The following FBLIM1 variants were observed in gnomAD, a reference collection of about 807,000 sequenced individuals.
FBLIM1 encodes the protein filamin-binding LIM protein 1.
In FBLIM1, 29 loss-of-function variants were observed where a neutral mutation model predicts 37.4. The observed-to-expected ratio is 0.77, with a 90% confidence interval of 0.58 to 1.06. FBLIM1 has a LOEUF of 1.06. FBLIM1 is among the 50% of genes least tolerant of loss of function. FBLIM1 has a pLI of 0.00. For missense variants in FBLIM1, 449 were observed against 505.6 expected (o/e 0.89, Z 1.07); for synonymous variants, 193 against 199.0 (o/e 0.97, Z 0.25).
At chr1:15,767,272 G>A (rs923578440) in intron 3 of FBLIM1, 104 bp from the exon 4 acceptor site, 38 of 1,065,162 alleles carry the variant, frequency 3.6e-5, no homozygotes, top group South Asian at 2.3e-4. Context: ...GGGTGATCCC[G>A]ACCGGGGCCC....
rs578024181 is a variant in FBLIM1, at chr1:15,765,047, C to T, written c.64C>T (p.Arg22Cys). 39 of 1,614,110 alleles carry T rather than the reference C, an allele frequency of 2.4e-5. No homozygotes were observed. In the East Asian group the frequency reaches 3.8e-4, roughly 16 times the overall value. The change falls in exon 3 of 9, where the codon CGC (arginine) becomes TGC (cysteine). Residue 22 changes from arginine to cysteine, a missense_variant. Coordinates refer to ENST00000375766, the MANE Select transcript of FBLIM1 (RefSeq NM_017556.4). This position sits in a 1 kb window ranked among gnomAD's most constrained non-coding sequence, Gnocchi z 5.9. ...SVFITLAPPR[R>C]DVAVAEEVRQ... ...CTTTATCACCCTGGCACCCCCGCGC[C>T]GCGATGTGGCCGTGGCGGAGGAAGT...
chr1:15,766,313 T>C (rs1221437908), intron 3 of FBLIM1, among the ~76,000 whole-genome samples: 1 of 152,000 alleles, frequency 6.6e-6, no homozygotes, highest in Non-Finnish European at 1.5e-5. Context: ...TGTGTATATT[T>C]TGAGACGAAG....
intron 8 of FBLIM1, among the ~76,000 whole-genome samples, chr1:15,782,407 TA>T (rs766909189): frequency 0.019 from 2,407 of 125,978 alleles, 33 homozygotes; most frequent in African/African-American, 0.048. Context: ...GACTCTATCT[TA>T]AAAAAAAAAA....
intron 1 of FBLIM1, among the ~76,000 whole-genome samples, chr1:15,762,313 G>A (rs2068711642): frequency 1.3e-5 from 2 of 149,800 alleles, no homozygotes. Flanking sequence ...GCCCAGGCTG[G>A]AGTGTGGTGG....
chr1:15,767,298 A>C, intron 3 of FBLIM1, 78 bp from the exon 4 acceptor site: 256 of 1,230,178 alleles, frequency 2.1e-4, no homozygotes, highest in Non-Finnish European at 2.6e-4. Flanking sequence ...TTCCCTCTGT[A>C]TGGCCATGTA....
rs1455681040 is a variant in FBLIM1 at position 15,785,292 on chromosome 1, T to G, written c.*631T>G. On this transcript the variant is annotated 3_prime_UTR_variant, in exon 9 of 9. Coordinates refer to ENST00000375766, the MANE Select transcript of FBLIM1 (RefSeq NM_017556.4). ...AGAGGTTGCAGTGAGATTGCACCAT[T>G]GCATTCCAGCCTGGGCAACAAGAGG... The G allele has an allele frequency of 6.7e-6, 1 of 150,280 alleles. No individual in the cohort carries two copies. Among genetic ancestry groups the G allele is most frequent in the Admixed American group, 6.7e-5 (1 of 14,966 alleles). 9.3% of individuals were successfully genotyped at this position (150,280 alleles called of 1,614,324 possible).
intron 5 of FBLIM1, 54 bp from the exon 6 acceptor site, chr1:15,770,354 TG>T: frequency 6.3e-7 from 1 of 1,576,374 alleles, no homozygotes. Context: ...GGGTGGTGCC[TG>T]GGTACAGTCC....
At chr1:15,762,260 G>GTTTTTTTT (rs57122494) in intron 1 of FBLIM1, among the ~76,000 whole-genome samples, 1 of 108,670 alleles carries the variant, frequency 9.2e-6, no homozygotes, top group Non-Finnish European at 1.9e-5. Context: ...TGGCTAATTT[G>GTTTTTTTT]TTTTTTTTTT....
chr1:15,760,561 C>CTTAGAGGTG (rs1209956545), intron 1 of FBLIM1, among the ~76,000 whole-genome samples: 3 of 144,280 alleles, frequency 2.1e-5, no homozygotes, highest in African/African-American at 7.6e-5. Context: ...AAGAACAGAG[C>CTTAGAGGTG]TTAGAGGTGG....
chr1:15,762,409 T>A (rs2068717010), intron 1 of FBLIM1, among the ~76,000 whole-genome samples: 1 of 151,996 alleles, frequency 6.6e-6, no homozygotes, highest in African/African-American at 2.4e-5. Flanking sequence ...ATAACAGGCG[T>A]CTGCCACCAT....
intron 1 of FBLIM1, among the ~76,000 whole-genome samples, chr1:15,760,777 C>T (rs987238407): frequency 2.6e-5 from 4 of 152,114 alleles, no homozygotes; most frequent in Admixed American, 6.6e-5. Flanking sequence ...CTTTTCTCCA[C>T]TTATCTAACT....
At chr1:15,762,469 G>A (rs1476655606) in intron 1 of FBLIM1, among the ~76,000 whole-genome samples, 1 of 151,850 alleles carries the variant, frequency 6.6e-6, no homozygotes, top group Non-Finnish European at 1.5e-5. Flanking sequence ...CACCATCTTG[G>A]CCAGGCTGGT....
chr1:15,758,199 C>T (rs2068492137), upstream of FBLIM1: 1 of 152,290 alleles, frequency 6.6e-6, no homozygotes, highest in Admixed American at 6.5e-5. The surrounding 1 kb of genome is among the most constrained non-coding windows in gnomAD (Gnocchi z 6.2). Context: ...TAGGCAGTGG[C>T]TACCTCCACT....
chr1:15,777,572 A>ATTT (rs35178526), intron 8 of FBLIM1, among the ~76,000 whole-genome samples: 7 of 121,588 alleles, frequency 5.8e-5, no homozygotes, highest in Non-Finnish European at 8.6e-5. Flanking sequence ...GACTCTCTCC[A>ATTT]TTTTTTTTTT....
In FBLIM1 at chr1:15,765,058, C is replaced by T. The variant is rs199638424; in HGVS notation, c.75C>T (p.Ala25=). 22 of 1,614,076 alleles carry T rather than the reference C, an allele frequency of 1.4e-5. No individual in the cohort carries two copies. The highest frequency in any genetic ancestry group is 1.3e-4 in the African/African-American group (10 of 75,038). Residue 25 remains alanine (A), a synonymous_variant, in exon 3 of 9, where the codon GCC becomes GCT. Transcript: ENST00000375766. The surrounding 1 kb of genome is among the most constrained non-coding windows in gnomAD (Gnocchi z 5.9). ...ITLAPPRRDV[A]VAEEVRQAVC... is the part of the protein sequence containing the mutation. Reference sequence around the variant, plus strand: ...TGGCACCCCCGCGCCGCGATGTGGCCGTGGCGGAGGAAGTGAGGCAGGCAG... The same window carrying T: ...TGGCACCCCCGCGCCGCGATGTGGCTGTGGCGGAGGAAGTGAGGCAGGCAG...
At chr1:15,759,332 C>T (rs1370785704) in intron 1 of FBLIM1, among the ~76,000 whole-genome samples, 3 of 152,168 alleles carry the variant, frequency 2.0e-5, no homozygotes, top group South Asian at 2.1e-4. Flanking sequence ...GGACGGGTCC[C>T]GGGGCTGCTC....
intron 1 of FBLIM1, among the ~76,000 whole-genome samples, chr1:15,760,079 C>G (rs1275722002): frequency 6.6e-6 from 1 of 151,246 alleles, no homozygotes; most frequent in Non-Finnish European, 1.5e-5. Context: ...CAAAAATTAG[C>G]CGGGTGTGGT....
intron 5 of FBLIM1, among the ~76,000 whole-genome samples, chr1:15,769,753 C>T (rs2069109541): frequency 6.6e-6 from 1 of 151,954 alleles, no homozygotes; most frequent in South Asian, 2.1e-4. Flanking sequence ...TCTCCTGCCT[C>T]AGTCTCCTGA....
intron 4 of FBLIM1, 41 bp from the exon 5 acceptor site, chr1:15,768,487 A>G: frequency 7.3e-7 from 1 of 1,375,386 alleles, no homozygotes; most frequent in Non-Finnish European, 9.8e-7. Flanking sequence ...GGAGGGCTGC[A>G]TGGGGTCCCA....
Sources: allele counts gnomAD v4.1 joint callset (sites outside exome capture counted in the v4.1 genomes callset), GRCh38; gene constraint gnomAD v4.1.1; non-coding constraint Gnocchi (gnomAD v3.1); transcripts MANE v1.5; gene names NCBI Gene and HGNC (gene_info 2026-07-23, HGNC 2026-07-21).